Variants in TEX2 observed in about 807,000 individuals in gnomAD.
The protein encoded by TEX2 is testis expressed 2.
TEX2 carries 53 observed loss-of-function variants against 106.9 expected under a neutral mutation model. The observed-to-expected ratio is 0.50, with a 90% CI of 0.40 to 0.62. The LOEUF is 0.62. Ranked by LOEUF, TEX2 falls within the 20% of genes least tolerant of loss-of-function variation. The pLI is 0.00. For missense variants in TEX2, 1,207 were observed against 1,379.0 expected (o/e 0.88, Z 1.98); for synonymous variants, 523 against 534.8 (o/e 0.98, Z 0.30).
chr17:64,184,857 A>C (rs1049478348), intron 5 of TEX2, among the ~76,000 whole-genome samples: 4 of 152,250 alleles, frequency 2.6e-5, no homozygotes, highest in Middle Eastern at 3.4e-3. Flanking sequence ...CTCTCCACTG[A>C]TTTGTTTTAG....
chr17:64,240,145 A>C lies in TEX2; in HGVS notation c.-26+23023T>G, dbSNP rs1221287577. Among the ~76,000 whole-genome samples, 3 of 152,088 alleles carry C rather than the reference A, an allele frequency of 2.0e-5. No individual in the cohort carries two copies. The East Asian group carries it at 5.8e-4, about 29-fold the overall frequency. On this transcript the variant is annotated intron_variant, in intron 1 of 11. Coordinates refer to ENST00000584379, the MANE Select transcript of TEX2 (RefSeq NM_001288732.2). The stretch of plus-strand genomic sequence containing the variant: ...TATACAATGTTTAAAAATGTAAATG[A>C]ATGCCTGCTATGGTAGGGTCATATG...
chr17:64,256,141 G>A (rs2034179883), intron 1 of TEX2: 1 of 152,194 alleles, frequency 6.6e-6, no homozygotes, highest in South Asian at 2.1e-4. Flanking sequence ...TTTACCTTCT[G>A]CCCTATGGTT....
intron 2 of TEX2, among the ~76,000 whole-genome samples, chr17:64,206,458 T>C (rs2032832430): frequency 6.6e-6 from 1 of 151,706 alleles, no homozygotes; most frequent in Admixed American, 6.6e-5. Context: ...AGCTATGAAC[T>C]CCAACATACT....
Position 64,212,870 on chromosome 17 carries a change from C to T in TEX2, c.1348G>A (p.Ala450Thr), listed in dbSNP as rs560636738. 29 of 1,614,118 alleles carry T rather than the reference C, an allele frequency of 1.8e-5. No individual in the cohort carries two copies. The highest frequency in any genetic ancestry group is 1.5e-4 in the African/African-American group (11 of 75,040). Residue 450 changes from alanine (A) to threonine (T), a missense_variant, in exon 2 of 12, where the codon GCG (alanine) becomes ACG (threonine). Physicochemically the swap from Ala to Thr is moderately conservative, Grantham distance 58. This residue lies in a region of TEX2 where 1,067 missense variants were observed against 1,193.6 expected (regional missense o/e 0.89). Coordinates refer to ENST00000584379, the MANE Select transcript of TEX2 (RefSeq NM_001288732.2). ...SDIPLKPEVL[A>T]EDGVVLDSED... ...CTGTCAAGGACCACACCATCTTCCGCGAGCACCTCTGGCTTGAGAGGAATA... is the reference window on the plus strand; with the variant it reads ...CTGTCAAGGACCACACCATCTTCCGTGAGCACCTCTGGCTTGAGAGGAATA...
chr17:64,196,201 C>T (rs558864789), intron 2 of TEX2, among the ~76,000 whole-genome samples: 1 of 152,204 alleles, frequency 6.6e-6, no homozygotes, highest in South Asian at 2.1e-4. Flanking sequence ...ATGTGCGAAG[C>T]AATGGGTTAG....
chr17:64,212,946 C>T lies in TEX2; in HGVS notation c.1272G>A (p.Glu424=), dbSNP rs2033053697. 6.2e-7 allele frequency: 1 copy of T among 1,614,210 alleles called. No individual in the cohort carries two copies. The highest frequency in any genetic ancestry group is 8.5e-7 in the Non-Finnish European group (1 of 1,180,032). The change falls in exon 2 of 12, where the codon GAG becomes GAA. Residue 424 remains glutamate, a synonymous_variant. Transcript: ENST00000584379. ...CCCCCTCCGTTTCCAAATCGAAGTCCTCAGTGTACAGTTCACAAAACTCTT... is the reference window on the plus strand; with the variant it reads ...CCCCCTCCGTTTCCAAATCGAAGTCTTCAGTGTACAGTTCACAAAACTCTT... ...EDEEFCELYT[E]DFDLETEGES... is the part of the protein sequence containing the mutation.
chr17:64,191,403 C>T (rs985559450), intron 4 of TEX2, among the ~76,000 whole-genome samples: 3 of 152,182 alleles, frequency 2.0e-5, no homozygotes, highest in Non-Finnish European at 2.9e-5. Context: ...GCCCCATATA[C>T]CCCCGTGGGT....
chr17:64,161,215 C>T (rs1286766981), intron 7 of TEX2, among the ~76,000 whole-genome samples: 1 of 152,148 alleles, frequency 6.6e-6, no homozygotes, highest in Non-Finnish European at 1.5e-5. Flanking sequence ...GGGTCCCATC[C>T]TCTGGCTTCT....
intron 1 of TEX2, among the ~76,000 whole-genome samples, chr17:64,220,058 G>C (rs561259261): frequency 1.3e-5 from 2 of 152,222 alleles, no homozygotes; most frequent in Non-Finnish European, 2.9e-5. Context: ...AGAGTAATGA[G>C]AGCAAGGAGC....
chr17:64,206,574 T>TGTG (rs2032839314), intron 2 of TEX2, among the ~76,000 whole-genome samples: 1 of 138,994 alleles, frequency 7.2e-6, no homozygotes, highest in Non-Finnish European at 1.6e-5. Flanking sequence ...TTTTTTTTTT[T>TGTG]TTTGAGACGG....
At chr17:64,240,952 G>C (rs930669162) in intron 1 of TEX2, among the ~76,000 whole-genome samples, 1 of 152,224 alleles carries the variant, frequency 6.6e-6, no homozygotes, top group African/African-American at 2.4e-5. Context: ...ATCATTGGCA[G>C]TATTATACTG....
intron 1 of TEX2, among the ~76,000 whole-genome samples, chr17:64,262,187 C>A (rs1157528000): frequency 6.6e-6 from 1 of 152,186 alleles, no homozygotes. Flanking sequence ...ACGAGCCCTG[C>A]CCTCAAGGAG....
chr17:64,188,385 C>T lies in TEX2; in HGVS notation c.2207G>A (p.Ser736Asn), dbSNP rs758613245. The T allele has an allele frequency of 1.9e-6, 3 of 1,614,104 alleles. No individual in the cohort carries two copies. Among genetic ancestry groups the T allele is most frequent in the Admixed American group, 1.7e-5 (1 of 60,004 alleles). The change falls in exon 5 of 12, where the codon AGT becomes AAT. Residue 736 changes from serine (S) to asparagine (N), a missense_variant. Transcript: ENST00000584379. Reference sequence around the variant, plus strand: ...GCTGTGGGTCAGGTGCCCGGACGGACTGTTGTGTCTGCTGTGTGCAGGCAA... The same window carrying T: ...GCTGTGGGTCAGGTGCCCGGACGGATTGTTGTGTCTGCTGTGTGCAGGCAA... ...GLLPAHSRHNSPSGHLTHSRS... is the reference protein window; with the variant it reads ...GLLPAHSRHNNPSGHLTHSRS...
intron 6 of TEX2, among the ~76,000 whole-genome samples, chr17:64,172,528 T>A (rs548665224): frequency 6.6e-6 from 1 of 152,184 alleles, no homozygotes; most frequent in Non-Finnish European, 1.5e-5. Context: ...CAATGGGCAG[T>A]TGATGGGGAG....
At chr17:64,175,380 G>C (rs567522828) in intron 6 of TEX2, among the ~76,000 whole-genome samples, 1 of 152,232 alleles carries the variant, frequency 6.6e-6, no homozygotes, top group South Asian at 2.1e-4. Flanking sequence ...TAACCTTTTA[G>C]TACTTCTGAC....
At chr17:64,256,735 T>C (rs1038256624) in intron 1 of TEX2, among the ~76,000 whole-genome samples, 1 of 152,250 alleles carries the variant, frequency 6.6e-6, no homozygotes, top group African/African-American at 2.4e-5. Context: ...AGATTTCCAA[T>C]GCCAAGCACA....
intron 1 of TEX2, among the ~76,000 whole-genome samples, chr17:64,216,660 G>A (rs1046771545): frequency 3.3e-5 from 5 of 152,220 alleles, no homozygotes; most frequent in African/African-American, 7.2e-5. Flanking sequence ...ACAGCAATGC[G>A]TTCAGAAGCC....
chr17:64,188,368 T>C lies in TEX2; in HGVS notation c.2224A>G (p.Thr742Ala). The change falls in exon 5 of 12, where the codon ACC becomes GCC. Residue 742 changes from threonine to alanine, a missense_variant. Physicochemically the swap from Thr to Ala is moderately conservative, Grantham distance 58. Around this residue, in one of 3 missense-constraint regions of TEX2, gnomAD observed 1,067 missense variants for 1,193.6 expected, o/e 0.89. Transcript: ENST00000584379. ...SRHNSPSGHLTHSRSSSKGSV... is the reference protein window; with the variant it reads ...SRHNSPSGHLAHSRSSSKGSV... ...CCTTTGCTGCTGCTGCGGCTGTGGG[T>C]CAGGTGCCCGGACGGACTGTTGTGT... 6.2e-7 allele frequency: 1 copy of C among 1,614,144 alleles called. No individual in the cohort carries two copies. Among genetic ancestry groups the C allele is most frequent in the South Asian group, 1.1e-5 (1 of 91,086 alleles).
chr17:64,149,028 G>T lies in TEX2; in HGVS notation c.3325C>A (p.Pro1109Thr), dbSNP rs757927643. The stretch of plus-strand genomic sequence containing the variant: ...TTCAGGAGGCAGGAAGTAGAGCGAG[G>T]GTCCATGGCTGAGTGCATTATAGTG... ...YITIMHSAMD[P>T]RSTSCLLKDP... is the part of the protein sequence containing the mutation. Residue 1109 changes from proline (P) to threonine (T), a missense_variant, in exon 12 of 12, where the codon CCT becomes ACT. By Grantham distance (38) the Pro-to-Thr change is conservative. Transcript: ENST00000584379. 13 of 1,614,118 alleles carry T rather than the reference G, an allele frequency of 8.1e-6. No homozygotes were observed. In the East Asian group the frequency reaches 2.7e-4, roughly 33 times the overall value.
Sources: allele counts gnomAD v4.1 joint callset (sites outside exome capture counted in the v4.1 genomes callset), GRCh38; gene constraint gnomAD v4.1.1; regional missense constraint gnomAD v4.1.1; transcripts MANE v1.5; gene names NCBI Gene and HGNC (gene_info 2026-07-23, HGNC 2026-07-21).